ZNF438: variants seen among roughly 807,000 people sequenced by gnomAD.
The protein encoded by ZNF438 is zinc finger protein 438.
ZNF438 carries 25 observed loss-of-function variants against 38.0 expected under a neutral mutation model. The observed-to-expected ratio is 0.66, with a 90% CI of 0.48 to 0.92. The LOEUF is 0.92. ZNF438 is among the 40% of genes least tolerant of loss of function. The pLI is 0.00. For synonymous variants in ZNF438, 372 were observed against 364.1 expected (o/e 1.02, Z -0.25); for missense variants, 1,007 against 999.6 (o/e 1.01, Z -0.10).
chr10:30,952,023 A>T (rs1444713871), intron 1 of ZNF438, among the ~76,000 whole-genome samples: 2 of 150,022 alleles, frequency 1.3e-5, no homozygotes, highest in African/African-American at 4.9e-5. Context: ...ACAGTAACCA[A>T]AACAGCATGG....
chr10:31,020,006 C>G (rs970047349), intron 1 of ZNF438, among the ~76,000 whole-genome samples: 4 of 152,142 alleles, frequency 2.6e-5, no homozygotes, highest in Non-Finnish European at 5.9e-5. Flanking sequence ...ACATGTAACT[C>G]TTTTTTTCCA....
chr10:31,002,507 C>A (rs1474576424), intron 1 of ZNF438, among the ~76,000 whole-genome samples: 1 of 152,144 alleles, frequency 6.6e-6, no homozygotes, highest in Non-Finnish European at 1.5e-5. Context: ...CAATCCTTCA[C>A]AAATCTGAAT....
chr10:30,950,364 C>G (rs1290920855), intron 1 of ZNF438, among the ~76,000 whole-genome samples: 1 of 148,702 alleles, frequency 6.7e-6, no homozygotes, highest in Non-Finnish European at 1.5e-5. Context: ...CAAACACATT[C>G]AAAAGCTAGC....
rs370037616 is a variant in ZNF438, at chr10:30,922,394, A to G, written c.-114-13379T>C. On this transcript the variant is annotated intron_variant, in intron 2 of 5. Transcript: ENST00000413025. ...AATCAAGTGGGACTTTTACTGACAG[A>G]AGGATGTCTGATTTAAAAGATAAGT... Among the ~76,000 whole-genome samples, 56 of 152,346 alleles carry G rather than the reference A, an allele frequency of 3.7e-4. No homozygotes were observed. In the South Asian group the frequency reaches 9.1e-3, roughly 25 times the overall value.
At chr10:30,963,871 C>T (rs995291412) in intron 1 of ZNF438, among the ~76,000 whole-genome samples, 1 of 142,794 alleles carries the variant, frequency 7.0e-6, no homozygotes, top group East Asian at 2.0e-4. Flanking sequence ...GACTCCATCT[C>T]AAAAAAAAAA....
rs116629557 is a variant in ZNF438 at position 30,846,627 on chromosome 10, T to C, written c.1875-1054A>G. Among the ~76,000 whole-genome samples the C allele has an allele frequency of 6.7e-3, 1,014 of 152,260 alleles. 9 individuals are homozygous for C. The highest frequency in any genetic ancestry group is 0.023 in the African/African-American group (964 of 41,544). On this transcript the variant is annotated intron_variant, in intron 5 of 5. Coordinates refer to ENST00000413025, the Ensembl canonical transcript of ZNF438. ...CTTTCCAAGTTGACGGTGTGGGAGC[T>C]TACCAGGCACAACTGCCTGCAGCTG...
chr10:30,850,439 A>T (rs145572769), intron 4 of ZNF438, 72 bp from the exon 6 acceptor site: 1 of 1,509,480 alleles, frequency 6.6e-7, no homozygotes, highest in Non-Finnish European at 8.9e-7. Flanking sequence ...AACAACAAGC[A>T]TCTTATTTAC....
intron 4 of ZNF438, among the ~76,000 whole-genome samples, chr10:30,868,246 T>A (rs1348056069): frequency 6.6e-6 from 1 of 152,100 alleles, no homozygotes; most frequent in Non-Finnish European, 1.5e-5. Context: ...ATGTTTTGCA[T>A]TTTTAGTAGA....
intron 2 of ZNF438, among the ~76,000 whole-genome samples, chr10:30,914,316 G>A (rs2043372315): frequency 6.6e-6 from 1 of 151,964 alleles, no homozygotes; most frequent in Non-Finnish European, 1.5e-5. Context: ...GGACAGGGGT[G>A]GGAAGTGGGA....
At chr10:31,006,664 G>C (rs2055157173) in intron 1 of ZNF438, among the ~76,000 whole-genome samples, 1 of 151,542 alleles carries the variant, frequency 6.6e-6, no homozygotes, top group Non-Finnish European at 1.5e-5. Context: ...CTTGCTGTGA[G>C]ACTGAGGCCT....
In ZNF438 at chr10:31,024,917, A is replaced by G. The variant is rs545450712; in HGVS notation, c.-192+6916T>C. On this transcript the variant is annotated intron_variant, in intron 1 of 5. Transcript: ENST00000413025. The stretch of plus-strand genomic sequence containing the variant: ...AACCTGTTACAATCCAGGATTATAT[A>G]AAGTCCAGATTAAATTAATTTTAGT... 1.5e-4 allele frequency among the ~76,000 whole-genome samples: 23 copies of G among 152,356 alleles called. No homozygotes were observed. In the South Asian group the frequency reaches 3.5e-3, roughly 23 times the overall value.
intron 1 of ZNF438, among the ~76,000 whole-genome samples, chr10:30,987,777 A>G (rs1329140555): frequency 6.6e-6 from 1 of 152,118 alleles, no homozygotes; most frequent in Non-Finnish European, 1.5e-5. Flanking sequence ...ACCAAGAAGC[A>G]GGCCCTCACC....
At chr10:30,877,799 T>C (rs1287762632) in intron 3 of ZNF438, among the ~76,000 whole-genome samples, 1 of 152,224 alleles carries the variant, frequency 6.6e-6, no homozygotes, top group Non-Finnish European at 1.5e-5. Flanking sequence ...TAAATTTTTT[T>C]ATAAGTTCTT....
At chr10:30,997,108 A>G (rs2054132374) in intron 1 of ZNF438, among the ~76,000 whole-genome samples, 1 of 152,164 alleles carries the variant, frequency 6.6e-6, no homozygotes, top group Admixed American at 6.5e-5. Context: ...TCTCAAGTGG[A>G]TAATCTAATC....
At chr10:30,937,581 A>G (rs561531983) in intron 2 of ZNF438, among the ~76,000 whole-genome samples, 1 of 152,338 alleles carries the variant, frequency 6.6e-6, no homozygotes, top group African/African-American at 2.4e-5. Context: ...CATTAAATGC[A>G]AACTGGCTGA....
chr10:30,991,902 C>T (rs1301400846), intron 1 of ZNF438, among the ~76,000 whole-genome samples: 1 of 152,168 alleles, frequency 6.6e-6, no homozygotes, highest in Non-Finnish European at 1.5e-5. Context: ...GAAGTATAAC[C>T]TCTGATCAAA....
intron 1 of ZNF438, among the ~76,000 whole-genome samples, chr10:30,974,649 C>T (rs1262133400): frequency 6.6e-6 from 1 of 152,190 alleles, no homozygotes; most frequent in East Asian, 1.9e-4. Context: ...TTCTTCTAAT[C>T]CTCCTGTTCA....
chr10:30,894,837 G>A (rs894344806), intron 3 of ZNF438, among the ~76,000 whole-genome samples: 8 of 152,124 alleles, frequency 5.3e-5, no homozygotes, highest in African/African-American at 1.7e-4. Context: ...TTGTGTGCAC[G>A]GCTGACAGTC....
At chr10:30,980,277 T>C (rs1406172465) in intron 1 of ZNF438, among the ~76,000 whole-genome samples, 1 of 150,034 alleles carries the variant, frequency 6.7e-6, no homozygotes. Flanking sequence ...AAAAACACCT[T>C]TTACTCCTAT....
Sources: allele counts gnomAD v4.1 joint callset (sites outside exome capture counted in the v4.1 genomes callset), GRCh38; gene constraint gnomAD v4.1.1; transcripts MANE v1.5; gene names NCBI Gene and HGNC (gene_info 2026-07-23, HGNC 2026-07-21).